CCSER2: variants seen among roughly 807,000 people sequenced by gnomAD.
The protein encoded by CCSER2 is coiled-coil serine rich protein 2.
A neutral mutation model predicts 92.3 loss-of-function variants in CCSER2; 46 were observed. The ratio of observed to expected loss-of-function variants is 0.50; its 90% CI spans 0.39 to 0.64. The LOEUF is 0.64. Among genes scored for constraint, CCSER2 ranks in the 30% least tolerant of loss-of-function variants. The pLI is 0.00. For synonymous variants in CCSER2, 433 were observed against 431.4 expected, an observed-to-expected ratio of 1.00 and a Z score of -0.04; for missense variants, 1,244 against 1,238.9, an observed-to-expected ratio of 1.00 and a Z score of -0.06.
chr10:84,491,569 G>C (rs756701314), intron 9 of CCSER2, among the ~76,000 whole-genome samples: 5 of 152,124 alleles, frequency 3.3e-5, no homozygotes, highest in African/African-American at 1.2e-4. Flanking sequence ...CTGGTGTGCC[G>C]TTTGCTAAGA....
At chr10:84,420,528 G>C (rs1197620498) in intron 4 of CCSER2, among the ~76,000 whole-genome samples, 1 of 152,182 alleles carries the variant, frequency 6.6e-6, no homozygotes, top group Non-Finnish European at 1.5e-5. Context: ...GGGAGGATGA[G>C]AATGTTACAG....
rs1849611645 is a variant in CCSER2, at chr10:84,516,789, T to TCAA, written c.*2524_*2526dup. On this transcript the variant is annotated 3_prime_UTR_variant, in exon 10 of 10. Transcript: ENST00000372088. Reference sequence around the variant, plus strand: ...TTTGCAGAAATGTTAACCAATTAGCTCAACTTTTCTCTACCTTTGTTGAGT... The same window carrying TCAA: ...TTTGCAGAAATGTTAACCAATTAGCTCAACAACTTTTCTCTACCTTTGTTGAGT... 6.6e-6 allele frequency: 1 copy of TCAA among 152,162 alleles called. No homozygotes were observed. The highest frequency in any genetic ancestry group is 1.5e-5 in the Non-Finnish European group (1 of 68,032). 9.4% of individuals were successfully genotyped at this position (152,162 alleles called of 1,614,324 possible). A position where few individuals can be genotyped will look rare whatever the true frequency, so the allele number is the denominator to read the frequency against.
rs560706930 is a variant in CCSER2 at position 84,355,359 on chromosome 10, A to G, written c.-39-15655A>G. Among the ~76,000 whole-genome samples, 36 of 152,198 alleles carry G rather than the reference A, an allele frequency of 2.4e-4. 1 individual carries two copies. In the South Asian group the frequency reaches 4.8e-3, roughly 20 times the overall value. Reference sequence around the variant, plus strand: ...TTTCTGAATGTGTCATGCTGATTCTATGTTTTTGTTTATGCTCTTAGGCTG... The same window carrying G: ...TTTCTGAATGTGTCATGCTGATTCTGTGTTTTTGTTTATGCTCTTAGGCTG... On this transcript the variant is annotated intron_variant, in intron 1 of 9. Coordinates refer to ENST00000372088, the MANE Select transcript of CCSER2 (RefSeq NM_001284240.2).
intron 1 of CCSER2, among the ~76,000 whole-genome samples, chr10:84,369,154 T>A (rs1845934772): frequency 6.6e-6 from 1 of 152,044 alleles, no homozygotes; most frequent in Admixed American, 6.6e-5. Flanking sequence ...GTTTTTTTTT[T>A]TTTTGATACA....
chr10:84,480,136 C>T (rs1039180473), intron 9 of CCSER2, among the ~76,000 whole-genome samples: 4 of 152,146 alleles, frequency 2.6e-5, no homozygotes, highest in African/African-American at 9.7e-5. Context: ...CCTTGACCTC[C>T]TGGGCTCAAG....
intron 3 of CCSER2, among the ~76,000 whole-genome samples, chr10:84,400,072 C>A (rs932258947): frequency 6.6e-6 from 1 of 151,990 alleles, no homozygotes; most frequent in East Asian, 1.9e-4. Flanking sequence ...GCCCATTTAA[C>A]TGGGCTGTTT....
chr10:84,455,779 G>A lies in CCSER2; in HGVS notation c.2065-8154G>A, dbSNP rs1589712510. Reference sequence around the variant, plus strand: ...AGGGAACTTGATGAACTCCAGTTAAGGTAATGTAGATTTTCACAGACTTAT... The same window carrying A: ...AGGGAACTTGATGAACTCCAGTTAAAGTAATGTAGATTTTCACAGACTTAT... On this transcript the variant is annotated intron_variant, in intron 6 of 9. Transcript: ENST00000372088. 3 of 1,110,682 alleles carry A rather than the reference G, an allele frequency of 2.7e-6. No homozygotes were observed. The East Asian group carries it at 7.2e-5, about 27-fold the overall frequency. The allele number at this position is 1,110,682 out of a possible 1,614,324, so 68.8% of individuals were successfully genotyped here. A position where few individuals can be genotyped will look rare whatever the true frequency, so the allele number is the denominator to read the frequency against.
At chr10:84,341,373 C>T (rs938077309) in intron 1 of CCSER2, among the ~76,000 whole-genome samples, 2 of 94,192 alleles carry the variant, frequency 2.1e-5, no homozygotes, top group East Asian at 2.6e-4. Flanking sequence ...TTTTTAGAGG[C>T]GGAGTTTTGC....
chr10:84,439,536 G>A (rs1430459525), intron 6 of CCSER2, among the ~76,000 whole-genome samples: 1 of 152,134 alleles, frequency 6.6e-6, no homozygotes, highest in East Asian at 1.9e-4. Context: ...AAAACATGCA[G>A]TATATGCACA....
intron 9 of CCSER2, among the ~76,000 whole-genome samples, chr10:84,491,474 C>G (rs1848161912): frequency 6.6e-6 from 1 of 152,180 alleles, no homozygotes; most frequent in Admixed American, 6.5e-5. Context: ...TGCCACCTTG[C>G]AGTTCAATCT....
At chr10:84,430,529 G>C (rs1366456831) in intron 5 of CCSER2, among the ~76,000 whole-genome samples, 1 of 152,154 alleles carries the variant, frequency 6.6e-6, no homozygotes, top group Non-Finnish European at 1.5e-5. Context: ...CCTGAGAATG[G>C]GCTTTTTCTA....
chr10:84,450,267 G>A (rs1414273290), intron 6 of CCSER2, among the ~76,000 whole-genome samples: 1 of 152,162 alleles, frequency 6.6e-6, no homozygotes, highest in East Asian at 1.9e-4. Context: ...GTCTTAAAAT[G>A]AATTTTCATC....
At chr10:84,476,254 G>T (rs1462388841) in intron 8 of CCSER2, among the ~76,000 whole-genome samples, 1 of 151,988 alleles carries the variant, frequency 6.6e-6, no homozygotes, top group Non-Finnish European at 1.5e-5. Flanking sequence ...TGATCTGATT[G>T]CAGTTAAGAA....
At chr10:84,457,301 A>AATATATTATATATTATATATT (rs1564684881) in intron 6 of CCSER2, among the ~76,000 whole-genome samples, 3 of 53,396 alleles carry the variant, frequency 5.6e-5, no homozygotes, top group African/African-American at 7.2e-5. Context: ...TATTATATAT[A>AATATATTATATATTATATATT]ATATGTTATA....
chr10:84,346,760 T>TATA (rs1554830896), intron 1 of CCSER2, among the ~76,000 whole-genome samples: 45 of 98,016 alleles, frequency 4.6e-4, no homozygotes, highest in Admixed American at 1.3e-3. Context: ...TTCTTTTTTT[T>TATA]TATATATATA....
chr10:84,444,834 A>C (rs1844809559), intron 6 of CCSER2, among the ~76,000 whole-genome samples: 1 of 152,214 alleles, frequency 6.6e-6, no homozygotes, highest in South Asian at 2.1e-4. Context: ...ACTCAAATTA[A>C]GATTACTTTA....
chr10:84,342,622 G>T (rs965055341), intron 1 of CCSER2, among the ~76,000 whole-genome samples: 1 of 152,034 alleles, frequency 6.6e-6, no homozygotes, highest in East Asian at 1.9e-4. Context: ...TCCTTTTCTT[G>T]TCTTCTGCTA....
chr10:84,391,786 A>T, intron 3 of CCSER2: 1 of 1,566,780 alleles, frequency 6.4e-7, no homozygotes, highest in Non-Finnish European at 8.8e-7. Flanking sequence ...GAGAAACATA[A>T]GAGACAATGA....
chr10:84,377,515 A>G (rs1198624852), intron 3 of CCSER2, among the ~76,000 whole-genome samples: 1 of 152,198 alleles, frequency 6.6e-6, no homozygotes, highest in Non-Finnish European at 1.5e-5. Context: ...TTTGTCAGTT[A>G]TATGTTATTT....
Sources: allele counts gnomAD v4.1 joint callset (sites outside exome capture counted in the v4.1 genomes callset), GRCh38; gene constraint gnomAD v4.1.1; transcripts MANE v1.5; gene names NCBI Gene and HGNC (gene_info 2026-07-23, HGNC 2026-07-21).